DPP6: variants seen among roughly 807,000 people sequenced by gnomAD.
DPP6 encodes A-type potassium channel modulatory protein DPP6.
DPP6 carries 69 observed loss-of-function variants against 122.6 expected under a neutral mutation model. The observed-to-expected ratio is 0.56, with a 90% CI of 0.46 to 0.69. DPP6 has a LOEUF of 0.69. Among genes scored for constraint, DPP6 ranks in the 30% least tolerant of loss-of-function variants. DPP6 has a pLI of 0.00. For missense variants in DPP6, 928 were observed against 1,116.9 expected (o/e 0.83, Z 2.41); for synonymous variants, 418 against 433.1 (o/e 0.97, Z 0.43).
At chr7:154,667,859 G>A (rs1838264816) in intron 6 of DPP6, among the ~76,000 whole-genome samples, 1 of 151,962 alleles carries the variant, frequency 6.6e-6, no homozygotes, top group Non-Finnish European at 1.5e-5. Context: ...TGTCTTCTCT[G>A]AATTGGCATC....
In DPP6 at chr7:154,071,035, TTTTA is replaced by T. The variant is rs556410898; in HGVS notation, c.243+17976_243+17979del. ...TTATCATGTATGTGCATGCATGCTA[TTTTA>T]TTTGTTTTTTGCTGATAAAGGTGGA... On this transcript the variant is annotated intron_variant, in intron 1 of 25. Transcript: ENST00000377770. 3.1e-3 allele frequency among the ~76,000 whole-genome samples: 465 copies of T among 152,222 alleles called. 3 individuals are homozygous for T. The highest frequency in any genetic ancestry group is 9.3e-3 in the South Asian group (45 of 4,828).
intron 1 of DPP6, among the ~76,000 whole-genome samples, chr7:153,960,145 G>A (rs1435779999): frequency 6.6e-6 from 1 of 152,042 alleles, no homozygotes; most frequent in Non-Finnish European, 1.5e-5. Flanking sequence ...ATATCATAAA[G>A]TAAAACTTTA....
At chr7:154,369,965 C>CATTCATTTATTT (rs1554529266) in intron 1 of DPP6, among the ~76,000 whole-genome samples, 1 of 145,848 alleles carries the variant, frequency 6.9e-6, no homozygotes. Flanking sequence ...CAGATATATG[C>CATTCATTTATTT]ATTTATTTAT....
At chr7:154,751,943 C>T (rs1397166998) in intron 8 of DPP6, among the ~76,000 whole-genome samples, 1 of 152,114 alleles carries the variant, frequency 6.6e-6, no homozygotes, top group African/African-American at 2.4e-5. Context: ...GATCCTGATC[C>T]AGATGCCAAG....
chr7:154,726,572 C>A (rs2131361715), intron 7 of DPP6, among the ~76,000 whole-genome samples: 1 of 152,344 alleles, frequency 6.6e-6, no homozygotes, highest in South Asian at 2.1e-4. Context: ...GCCCATGAAA[C>A]CATTCTTTCC....
At chr7:153,846,687 C>CTTTTTTTTT in the DPP6 span, among the ~76,000 whole-genome samples, 1 of 78,206 alleles carries the variant, frequency 1.3e-5, no homozygotes, top group African/African-American at 5.0e-5. Flanking sequence ...TGGCTTGGTT[C>CTTTTTTTTT]TTTTTTTTTT....
At chr7:154,718,500 T>G (rs1314654679) in intron 7 of DPP6, among the ~76,000 whole-genome samples, 4 of 152,112 alleles carry the variant, frequency 2.6e-5, no homozygotes, top group Non-Finnish European at 5.9e-5. Flanking sequence ...AAATGAAAAT[T>G]TTAAAAGTTC....
At chr7:154,548,870 C>T (rs1350922971) in intron 4 of DPP6, among the ~76,000 whole-genome samples, 2 of 152,154 alleles carry the variant, frequency 1.3e-5, no homozygotes, top group Non-Finnish European at 2.9e-5. Context: ...GCTGGGAACT[C>T]TAGATAGAGG....
At chr7:154,158,576 T>C (rs1250579055) in intron 1 of DPP6, among the ~76,000 whole-genome samples, 1 of 151,964 alleles carries the variant, frequency 6.6e-6, no homozygotes, top group Non-Finnish European at 1.5e-5. Flanking sequence ...CTCTGCATTG[T>C]CTCTATTTTG....
chr7:154,303,131 G>A lies in DPP6; in HGVS notation c.244-143083G>A, dbSNP rs896311205. ...CAAGTAGCTGGGATTACAGGCATGC[G>A]CCGCCACGCCCAGCTAATTGGGGTT... On this transcript the variant is annotated intron_variant, in intron 1 of 25. Coordinates refer to ENST00000377770, the MANE Select transcript of DPP6 (RefSeq NM_130797.4). Among the ~76,000 whole-genome samples, 7 of 152,168 alleles carry A rather than the reference G, an allele frequency of 4.6e-5. No homozygotes were observed. The South Asian group carries it at 6.2e-4, about 13-fold the overall frequency.
At chr7:153,940,082 C>T (rs1169865471) in intron 1 of DPP6, among the ~76,000 whole-genome samples, 1 of 152,162 alleles carries the variant, frequency 6.6e-6, no homozygotes, top group African/African-American at 2.4e-5. Flanking sequence ...TGCACTGTGG[C>T]CCTCTAGCTT....
intron 1 of DPP6, among the ~76,000 whole-genome samples, chr7:153,962,407 C>T (rs1795397626): frequency 6.6e-6 from 1 of 152,166 alleles, no homozygotes; most frequent in African/African-American, 2.4e-5. Context: ...GCAAAGTTTT[C>T]AAGTTCTCGT....
At chr7:154,060,373 T>A in intron 1 of DPP6, among the ~76,000 whole-genome samples, 1 of 45,638 alleles carries the variant, frequency 2.2e-5, no homozygotes, top group Non-Finnish European at 4.3e-5. Context: ...AGCCAGCCCC[T>A]GGTTCCCCCA....
At chr7:154,199,018 G>A (rs940732813) in intron 1 of DPP6, among the ~76,000 whole-genome samples, 38 of 147,186 alleles carry the variant, frequency 2.6e-4, no homozygotes, top group African/African-American at 8.0e-4. Flanking sequence ...GTTTACTAGG[G>A]TTTTTTTTTT....
At chr7:154,538,988 G>A (rs1488024846) in intron 3 of DPP6, among the ~76,000 whole-genome samples, 3 of 152,124 alleles carry the variant, frequency 2.0e-5, no homozygotes, top group Non-Finnish European at 4.4e-5. Context: ...GGACCATGTC[G>A]ATGATGAAAT....
At chr7:154,603,158 A>G (rs1159446903) in intron 5 of DPP6, among the ~76,000 whole-genome samples, 1 of 119,000 alleles carries the variant, frequency 8.4e-6, no homozygotes, top group Non-Finnish European at 1.9e-5. Context: ...GACTCATTCA[A>G]GATTTTATCT....
chr7:153,984,053 AACACACACACACACACACAC>A (rs528640069), intron 1 of DPP6, among the ~76,000 whole-genome samples: 31 of 132,014 alleles, frequency 2.3e-4, no homozygotes, highest in East Asian at 1.2e-3. Flanking sequence ...TTCTGTCCAT[AACACACACACACACACACAC>A]ACACACACAC....
chr7:153,898,562 A>G lies in DPP6; in HGVS notation c.51+10828A>G, dbSNP rs149397652. On this transcript the variant is annotated intron_variant, in intron 1 of 25. Coordinates refer to the DPP6 transcript ENST00000404039. ...AAGTAAACATACATCAAAATATCAC[A>G]TGTACCTCATAAATATGTATAATTA... is the stretch of plus-strand genomic sequence containing the variant. Among the ~76,000 whole-genome samples the G allele has an allele frequency of 4.9e-3, 741 of 152,372 alleles. 3 individuals are homozygous for G. Among genetic ancestry groups the G allele is most frequent in the African/African-American group, 0.017 (701 of 41,594 alleles).
chr7:154,528,525 A>G (rs1445538912), intron 3 of DPP6, among the ~76,000 whole-genome samples: 1 of 152,126 alleles, frequency 6.6e-6, no homozygotes, highest in East Asian at 1.9e-4. Context: ...GGTGACTTAG[A>G]CTTATGATAG....
Sources: gnomAD v4.1 joint callset for allele counts (sites outside exome capture counted in the v4.1 genomes callset) on GRCh38, gnomAD v4.1.1 for gene constraint, MANE v1.5 for transcripts, NCBI Gene and HGNC (gene_info 2026-07-23, HGNC 2026-07-21) for gene names.